TMEM218: variants seen among roughly 807,000 people sequenced by gnomAD.
TMEM218 encodes the protein transmembrane protein 218.
In TMEM218, 8 loss-of-function variants were observed where a neutral mutation model predicts 10.0. That is an observed-to-expected ratio of 0.80 (90% confidence interval 0.47 to 1.44). TMEM218 has a LOEUF of 1.44. Among genes scored for constraint, TMEM218 ranks in the 40% most tolerant of loss-of-function variants. TMEM218 has a pLI of 0.00. For synonymous variants in TMEM218, 66 were observed against 63.5 expected, an observed-to-expected ratio of 1.04 and a Z score of -0.18; for missense variants, 110 against 140.1, an observed-to-expected ratio of 0.79 and a Z score of 1.08.
Position 125,096,470 on chromosome 11 carries a change from A to G in TMEM218, c.*1136T>C, listed in dbSNP as rs778022636. 1 of 151,870 alleles carries G rather than the reference A, an allele frequency of 6.6e-6. No individual in the cohort carries two copies. The highest frequency in any genetic ancestry group is 1.5e-5 in the Non-Finnish European group (1 of 67,870). 9.4% of individuals were successfully genotyped at this position (151,870 alleles called of 1,614,324 possible). The stretch of plus-strand genomic sequence containing the variant: ...CTGTTAGGTGAAGGTTGGGCAAGTC[A>G]GCTGATCTCTTTAAGCTTCCATTTT... On this transcript the variant is annotated 3_prime_UTR_variant, in exon 5 of 5. Coordinates refer to ENST00000682305, the MANE Select transcript of TMEM218 (RefSeq NM_001258244.2).
chr11:125,098,674 T>TATA (rs1412521608), intron 4 of TMEM218, among the ~76,000 whole-genome samples: 1 of 152,208 alleles, frequency 6.6e-6, no homozygotes, highest in Non-Finnish European at 1.5e-5. Flanking sequence ...AAATTGTGAA[T>TATA]ATGTTAGATT....
Position 125,101,208 on chromosome 11 carries a change from T to C in TMEM218, c.206A>G (p.Glu69Gly). The change falls in exon 4 of 5, where the codon GAA becomes GGA. Residue 69 changes from glutamate to glycine, a missense_variant. Transcript: ENST00000682305. ...CGAAAGCAACAGCTTTACCTTAACT[T>C]CCACTTCTGGGGCTGGGAATTCACC... The part of the protein sequence containing the change: ...RAGEFPAPEV[E>G]VKIVDDFFIG... 3 of 1,613,274 alleles carry C rather than the reference T, an allele frequency of 1.9e-6. No individual in the cohort carries two copies. The highest frequency in any genetic ancestry group is 2.5e-6 in the Non-Finnish European group (3 of 1,179,628).
At position 125,095,572 on chromosome 11, in the gene TMEM218, A is replaced by G. The variant is rs926575669; in HGVS notation, c.*2034T>C. Among the ~76,000 whole-genome samples, 8 of 152,066 alleles carry G rather than the reference A, an allele frequency of 5.3e-5. No homozygotes were observed. Among genetic ancestry groups the G allele is most frequent in the African/African-American group, 1.9e-4 (8 of 41,386 alleles). Reference sequence around the variant, plus strand: ...TCATTTCACCACAGCTGGTAATTATAGACTCCAGGTCTGTAGACTGTAGGT... The same window carrying G: ...TCATTTCACCACAGCTGGTAATTATGGACTCCAGGTCTGTAGACTGTAGGT... On this transcript the variant is annotated 3_prime_UTR_variant, in exon 5 of 5. Transcript: ENST00000682305.
chr11:125,097,745 A>T lies in TMEM218; in HGVS notation c.214-5T>A. On this transcript the variant is annotated splice_region_variant and splice_polypyrimidine_tract_variant and intron_variant, in intron 4 of 4. Transcript: ENST00000682305. ...AATGAAAAAGTCATCCACAATCTGG[A>T]GAAAGAAAACATCAAAATGAAATTA... 1 of 1,612,874 alleles carries T rather than the reference A, an allele frequency of 6.2e-7. No individual in the cohort carries two copies. The highest frequency in any genetic ancestry group is 8.5e-7 in the Non-Finnish European group (1 of 1,179,484).
chr11:125,102,019 A>C, intron 3 of TMEM218, 113 bp downstream of exon 3: 1 of 1,250,728 alleles, frequency 8.0e-7, no homozygotes, highest in Non-Finnish European at 1.1e-6. Context: ...CAACTCATTC[A>C]AACTGCCAGT....
At chr11:125,101,959 C>T (rs1448479841) in intron 3 of TMEM218, 173 bp downstream of exon 3, 2 of 766,448 alleles carry the variant, frequency 2.6e-6, no homozygotes, top group Non-Finnish European at 3.9e-6. Flanking sequence ...CCCATCTCTG[C>T]TCCAGAGCAT....
rs1949789645 is a variant in TMEM218, at chr11:125,097,399, G to C, written c.*207C>G. 2.1e-6 allele frequency: 1 copy of C among 486,390 alleles called. No homozygotes were observed. 30.1% of individuals were successfully genotyped at this position (486,390 alleles called of 1,614,324 possible). ...AAGAAGATAGCAATATCCTTCTTAA[G>C]CTGGTAAGAATCTAGCCCCACAGGG... On this transcript the variant is annotated 3_prime_UTR_variant, in exon 5 of 5. Coordinates refer to ENST00000682305, the MANE Select transcript of TMEM218 (RefSeq NM_001258244.2).
At chr11:125,101,749 T>G (rs904645196) in intron 3 of TMEM218, 6 of 497,402 alleles carry the variant, frequency 1.2e-5, no homozygotes, top group Non-Finnish European at 3.5e-6. Context: ...ATGCCTGATA[T>G]AGAAAGCAGG....
intron 4 of TMEM218, among the ~76,000 whole-genome samples, chr11:125,100,926 T>C (rs1240594441): frequency 2.6e-5 from 4 of 152,192 alleles, no homozygotes; most frequent in Non-Finnish European, 5.9e-5. Flanking sequence ...TCCAACAGGC[T>C]GTTTTCAACT....
intron 2 of TMEM218, 37 bp downstream of exon 2, chr11:125,102,697 C>T: frequency 7.7e-7 from 1 of 1,291,134 alleles, no homozygotes; most frequent in Non-Finnish European, 1.0e-6. Flanking sequence ...GAAGTTGAAG[C>T]TCTCAGGTTA....
intron 4 of TMEM218, among the ~76,000 whole-genome samples, chr11:125,098,100 T>G (rs546446262): frequency 6.6e-6 from 1 of 152,328 alleles, no homozygotes; most frequent in South Asian, 2.1e-4. Context: ...TAAAATACAT[T>G]TTATTACGGA....
At chr11:125,107,885 C>CAA (rs56007000) in intron 1 of TMEM218, among the ~76,000 whole-genome samples, 167 of 101,610 alleles carry the variant, frequency 1.6e-3, no homozygotes, top group African/African-American at 5.5e-3. Flanking sequence ...TTATCAAAGA[C>CAA]AAAAAAAAAA....
chr11:125,106,159 T>C (rs1229623919), intron 1 of TMEM218, among the ~76,000 whole-genome samples: 2 of 152,182 alleles, frequency 1.3e-5, no homozygotes, highest in Non-Finnish European at 2.9e-5. Flanking sequence ...ACTGTGAATA[T>C]ACTTAACACT....
In TMEM218 at chr11:125,095,801, G is replaced by T. The variant is rs116617102; in HGVS notation, c.*1805C>A. Among the ~76,000 whole-genome samples the T allele has an allele frequency of 0.019, 2,908 of 152,254 alleles. 97 individuals carry two copies. The highest frequency in any genetic ancestry group is 0.065 in the African/African-American group (2,719 of 41,526). On this transcript the variant is annotated 3_prime_UTR_variant, in exon 5 of 5. Transcript: ENST00000682305. Reference sequence around the variant, plus strand: ...CAAAACCTCATAGTTATTATCCATTGATCTAATAGTTGAATAACTTTTGGG... The same window carrying T: ...CAAAACCTCATAGTTATTATCCATTTATCTAATAGTTGAATAACTTTTGGG...
Position 125,102,246 on chromosome 11 carries a change from C to T in TMEM218, c.-5G>A, listed in dbSNP as rs774671142. On this transcript the variant is annotated 5_prime_UTR_variant, in exon 3 of 5. Coordinates refer to ENST00000682305, the MANE Select transcript of TMEM218 (RefSeq NM_001258244.2). The stretch of plus-strand genomic sequence containing the variant: ...TCCGAGCACAGTGCCAGCCATCCCG[C>T]GGGGAGGCAGCGGCGGCCCCCCGCC... 66 of 1,612,136 alleles carry T rather than the reference C, an allele frequency of 4.1e-5. No individual in the cohort carries two copies. The Middle Eastern group carries it at 5.1e-4, about 12-fold the overall frequency.
At chr11:125,097,970 G>A (rs1366763056) in intron 4 of TMEM218, among the ~76,000 whole-genome samples, 1 of 152,200 alleles carries the variant, frequency 6.6e-6, no homozygotes, top group African/African-American at 2.4e-5. Context: ...GCTCAATTTA[G>A]GATGTTGGTA....
rs774309460 is a variant in TMEM218, at chr11:125,102,118, A to G, written c.110+14T>C. 1 of 1,537,046 alleles carries G rather than the reference A, an allele frequency of 6.5e-7. No individual in the cohort carries two copies. Among genetic ancestry groups the G allele is most frequent in the Admixed American group, 2.3e-5 (1 of 43,890 alleles). ...TGCTTTACCTAGGACTCCCAGTTGGACAGAATGCCTTACCTCGCCGCCCCG... is the reference window on the plus strand; with the variant it reads ...TGCTTTACCTAGGACTCCCAGTTGGGCAGAATGCCTTACCTCGCCGCCCCG... On this transcript the variant is annotated intron_variant, in intron 3 of 4. Transcript: ENST00000682305.
At position 125,096,484 on chromosome 11, in the gene TMEM218, A is replaced by G. The variant is rs1278892516; in HGVS notation, c.*1122T>C. 2.7e-5 allele frequency: 4 copies of G among 147,574 alleles called. No homozygotes were observed. Among genetic ancestry groups the G allele is most frequent in the African/African-American group, 9.7e-5 (4 of 41,284 alleles). The allele number at this position is 147,574 out of a possible 1,614,324, so 9.1% of individuals were successfully genotyped here. On this transcript the variant is annotated 3_prime_UTR_variant, in exon 5 of 5. Transcript: ENST00000682305. ...TTGGGCAAGTCAGCTGATCTCTTTA[A>G]GCTTCCATTTTTTCTACTTTAAAGT...
At position 125,110,486 on chromosome 11, in the gene TMEM218, C is replaced by T. The variant is rs558829380; in HGVS notation, c.-153+1053G>A. 5 of 152,332 alleles carry T rather than the reference C, an allele frequency of 3.3e-5. No homozygotes were observed. In the South Asian group the frequency reaches 1.0e-3, roughly 32 times the overall value. 9.4% of individuals were successfully genotyped at this position (152,332 alleles called of 1,614,324 possible). ...TGTGTTCATTTAATGGTTGTTTCTA[C>T]ATACCCTTTCATCCAGCTGTCAGAG... On this transcript the variant is annotated intron_variant, in intron 1 of 4. Coordinates refer to ENST00000682305, the MANE Select transcript of TMEM218 (RefSeq NM_001258244.2).
Sources: allele counts gnomAD v4.1 joint callset (sites outside exome capture counted in the v4.1 genomes callset), GRCh38; gene constraint gnomAD v4.1.1; transcripts MANE v1.5; gene names NCBI Gene and HGNC (gene_info 2026-07-23, HGNC 2026-07-21).